Variants in EYS observed in about 807,000 individuals in gnomAD.
EYS encodes EGF-like photoreceptor maintenance factor, also known as protein eyes shut homolog.
In EYS, 250 loss-of-function variants were observed where a neutral mutation model predicts 282.1. The observed-to-expected ratio is 0.89, with a 90% CI of 0.80 to 0.98. The LOEUF (loss-of-function observed/expected upper bound fraction) is 0.98. Among genes scored for constraint, EYS ranks in the 50% least tolerant of loss-of-function variants. The pLI is 0.00. For missense variants in EYS, 4,016 were observed against 3,709.0 expected (o/e 1.08, Z -2.15); for synonymous variants, 1,355 against 1,282.9 (o/e 1.06, Z -1.20).
rs115097234 is a variant in EYS at position 64,413,947 on chromosome 6, C to G, written c.5927+22227G>C. 1.9e-3 allele frequency among the ~76,000 whole-genome samples: 292 copies of G among 152,252 alleles called. 1 individual carries two copies. The highest frequency in any genetic ancestry group is 2.4e-3 in the Non-Finnish European group (163 of 68,012). ...GTCTGAGAGAGACCATTCACCTTCT[C>G]CACCACATAAGGACACTATGAGAAG... On this transcript the variant is annotated intron_variant, in intron 28 of 42. Transcript: ENST00000503581.
chr6:65,603,474 T>G (rs1356664719), intron 2 of EYS, among the ~76,000 whole-genome samples: 3 of 152,008 alleles, frequency 2.0e-5, no homozygotes, highest in Non-Finnish European at 2.9e-5. Context: ...ACATTTTTTC[T>G]GAAGAAAGAT....
At chr6:65,499,272 A>C (rs1440118181) in intron 2 of EYS, among the ~76,000 whole-genome samples, 1 of 152,074 alleles carries the variant, frequency 6.6e-6, no homozygotes, top group African/African-American at 2.4e-5. Flanking sequence ...AGTTTAAACA[A>C]ATAAGTTTTA....
intron 2 of EYS, among the ~76,000 whole-genome samples, chr6:65,626,958 G>GTTTTC (rs772604915): frequency 6.8e-6 from 1 of 146,438 alleles, no homozygotes; most frequent in Non-Finnish European, 1.5e-5. Context: ...TATATTTCAG[G>GTTTTC]TTTTCTTTTC....
rs570504064 is a variant in EYS at position 63,900,991 on chromosome 6, T to C, written c.7056-36633A>G. Among the ~76,000 whole-genome samples, 32 of 152,304 alleles carry C rather than the reference T, an allele frequency of 2.1e-4. 1 individual carries two copies. In the South Asian group the frequency reaches 6.6e-3, roughly 32 times the overall value. On this transcript the variant is annotated intron_variant, in intron 35 of 42. Transcript: ENST00000503581. ...TACTCAACAAAAAAAGTATGAGACC[T>C]GCAAAGAAACAACCTGTGATACATA...
intron 22 of EYS, among the ~76,000 whole-genome samples, chr6:64,656,724 C>T (rs1435581418): frequency 2.0e-5 from 3 of 152,112 alleles, no homozygotes; most frequent in African/African-American, 7.2e-5. Context: ...TTGTTGGGGG[C>T]TGCATCCTGG....
intron 12 of EYS, among the ~76,000 whole-genome samples, chr6:65,077,356 G>A (rs1262780270): frequency 6.6e-6 from 1 of 151,998 alleles, no homozygotes; most frequent in Non-Finnish European, 1.5e-5. Flanking sequence ...GAGACAAACA[G>A]TAAATAAAAT....
intron 33 of EYS, among the ~76,000 whole-genome samples, chr6:64,005,081 G>T (rs1252374910): frequency 6.6e-6 from 1 of 152,112 alleles, no homozygotes; most frequent in African/African-American, 2.4e-5. Context: ...ATTCCCTGCA[G>T]CAGTGTATAA....
chr6:64,720,493 A>G (rs185850565), intron 22 of EYS, among the ~76,000 whole-genome samples: 2 of 152,298 alleles, frequency 1.3e-5, no homozygotes, highest in Middle Eastern at 3.4e-3. Context: ...ACAGCCAGAA[A>G]CAAATATATT....
intron 24 of EYS, among the ~76,000 whole-genome samples, chr6:64,601,557 A>G (rs570006026): frequency 2.6e-5 from 4 of 152,058 alleles, no homozygotes; most frequent in Non-Finnish European, 5.9e-5. Flanking sequence ...CTTTTCTCTG[A>G]ATTTGCTTTG....
intron 29 of EYS, among the ~76,000 whole-genome samples, chr6:64,351,878 T>C (rs763623629): frequency 1.7e-4 from 26 of 151,748 alleles, no homozygotes; most frequent in African/African-American, 5.8e-4. Context: ...GTTGTAATTA[T>C]GTGTATACAT....
chr6:64,096,039 A>G (rs995390843), intron 31 of EYS, among the ~76,000 whole-genome samples: 7 of 152,158 alleles, frequency 4.6e-5, no homozygotes, highest in African/African-American at 7.2e-5. Flanking sequence ...ATGAAATTCT[A>G]GGTTGATAAT....
chr6:65,196,212 G>T (rs1765763053), intron 12 of EYS, among the ~76,000 whole-genome samples: 1 of 151,810 alleles, frequency 6.6e-6, no homozygotes, highest in Non-Finnish European at 1.5e-5. Context: ...TTCTAAGCAA[G>T]TGAAATTATC....
At chr6:65,298,550 G>C (rs35149364) in intron 11 of EYS, among the ~76,000 whole-genome samples, 12,396 of 151,768 alleles carry the variant, frequency 0.082, 665 homozygotes, top group African/African-American at 0.14. Flanking sequence ...ACTTTTTCTT[G>C]TGTACTCGTC....
intron 29 of EYS, among the ~76,000 whole-genome samples, chr6:64,315,010 A>G (rs941906325): frequency 6.6e-6 from 1 of 152,126 alleles, no homozygotes; most frequent in African/African-American, 2.4e-5. Context: ...AAGATCAACA[A>G]ACTAGATACA....
At chr6:64,488,216 C>T (rs1582813155) in intron 26 of EYS, among the ~76,000 whole-genome samples, 1 of 150,926 alleles carries the variant, frequency 6.6e-6, no homozygotes, top group Non-Finnish European at 1.5e-5. Flanking sequence ...GAAGAATTTT[C>T]AAATACCCTT....
At chr6:65,300,126 C>T (rs1349131565) in intron 11 of EYS, among the ~76,000 whole-genome samples, 1 of 152,128 alleles carries the variant, frequency 6.6e-6, no homozygotes, top group Non-Finnish European at 1.5e-5. Context: ...ATCATTACTT[C>T]CCCATGTCCC....
At chr6:64,944,702 A>G (rs1402001050) in intron 15 of EYS, among the ~76,000 whole-genome samples, 1 of 152,028 alleles carries the variant, frequency 6.6e-6, no homozygotes, top group Admixed American at 6.6e-5. Flanking sequence ...GAGATAGAGG[A>G]AGGCCACTGT....
chr6:65,568,528 C>T (rs1335663722), intron 2 of EYS, among the ~76,000 whole-genome samples: 3 of 152,090 alleles, frequency 2.0e-5, no homozygotes, highest in Non-Finnish European at 4.4e-5. Context: ...ATTAAATAAA[C>T]TTTTTAACAC....
intron 11 of EYS, chr6:65,330,826 T>C (rs1769769657): frequency 1.1e-6 from 1 of 942,888 alleles, no homozygotes; most frequent in Admixed American, 6.2e-5. Flanking sequence ...TAGATCCCTA[T>C]ACACATTTAG....
Sources: gnomAD v4.1 joint callset for allele counts (sites outside exome capture counted in the v4.1 genomes callset) on GRCh38, gnomAD v4.1.1 for gene constraint, MANE v1.5 for transcripts, NCBI Gene and HGNC (gene_info 2026-07-23, HGNC 2026-07-21) for gene names.